The following SPO11 variants were observed in gnomAD, a reference collection of about 807,000 sequenced individuals.
The protein encoded by SPO11 is meiotic recombination protein SPO11.
SPO11 carries 49 observed loss-of-function variants against 51.6 expected under a neutral mutation model. That is an observed-to-expected ratio of 0.95 (90% CI 0.75 to 1.20). The LOEUF is 1.20. Ranked by LOEUF, SPO11 falls within the 50% of genes most tolerant of loss-of-function variation. The pLI is 0.00. For missense variants in SPO11, 431 were observed against 473.4 expected, an observed-to-expected ratio of 0.91 and a Z score of 0.83; for synonymous variants, 176 against 158.2, an observed-to-expected ratio of 1.11 and a Z score of -0.84.
chr20:57,333,170 C>A lies in SPO11; in HGVS notation c.246-18C>A. 6.3e-7 allele frequency: 1 copy of A among 1,582,446 alleles called. No individual in the cohort carries two copies. The highest frequency in any genetic ancestry group is 8.6e-7 in the Non-Finnish European group (1 of 1,167,444). ...TTGTCTTTTTCACTTTTTTCCTTTG[C>A]TTTAAACAAAATGACAGGTTTGAAG... On this transcript the variant is annotated intron_variant, in intron 2 of 12. Transcript: ENST00000371263.
rs554099175 is a variant in SPO11 at position 57,333,877 on chromosome 20, T to C, written c.402-110T>C. On this transcript the variant is annotated intron_variant, in intron 4 of 12. Transcript: ENST00000371263. The stretch of plus-strand genomic sequence containing the variant: ...ACTATAGCTCATAATTTACTTTCTT[T>C]ATATGTTGTGTTTTCATCCAGTTAA... 42 of 909,856 alleles carry C rather than the reference T, an allele frequency of 4.6e-5. No homozygotes were observed. The South Asian group carries it at 7.3e-4, about 16-fold the overall frequency. 56.4% of individuals were successfully genotyped at this position (909,856 alleles called of 1,614,324 possible).
intron 7 of SPO11, 150 bp from the exon 8 acceptor site, chr20:57,335,648 A>C (rs544691639): frequency 5.9e-6 from 4 of 679,334 alleles, no homozygotes; most frequent in Admixed American, 2.9e-5. Context: ...AGATATCTGA[A>C]TATATGAATA....
intron 5 of SPO11, among the ~76,000 whole-genome samples, 166 bp from the exon 6 acceptor site, chr20:57,334,584 C>T (rs1055165897): frequency 6.6e-6 from 1 of 152,114 alleles, no homozygotes; most frequent in African/African-American, 2.4e-5. Flanking sequence ...TGATGAATTA[C>T]CAAATATTTT....
intron 10 of SPO11, 24 bp downstream of exon 10, chr20:57,339,050 C>T: frequency 7.1e-7 from 1 of 1,399,364 alleles, no homozygotes; most frequent in Non-Finnish European, 9.7e-7. Context: ...AGCAGTTTTC[C>T]TTTTTTATTA....
At chr20:57,340,693 G>GGAGAC (rs2066571056) in intron 11 of SPO11, among the ~76,000 whole-genome samples, 1 of 152,016 alleles carries the variant, frequency 6.6e-6, no homozygotes, top group African/African-American at 2.4e-5. Context: ...CTTGAACCTG[G>GGAGAC]GAGACGGCAG....
Position 57,329,850 on chromosome 20 carries a change from T to C in SPO11, c.-18T>C, listed in dbSNP as rs1244671592. ...CTAGGACAGGGGCTTCTGGAGCTTCTGGCAGCCGTCTGCCCTCATGGCCTT... is the reference window on the plus strand; with the variant it reads ...CTAGGACAGGGGCTTCTGGAGCTTCCGGCAGCCGTCTGCCCTCATGGCCTT... On this transcript the variant is annotated 5_prime_UTR_variant, in exon 1 of 13. Coordinates refer to ENST00000371263, the MANE Select transcript of SPO11 (RefSeq NM_012444.3). The C allele has an allele frequency of 6.2e-7, 1 of 1,604,616 alleles. No individual in the cohort carries two copies. The highest frequency in any genetic ancestry group is 2.2e-5 in the East Asian group (1 of 44,694).
chr20:57,334,711 C>T (rs777816132), intron 5 of SPO11, 39 bp from the exon 6 acceptor site: 6 of 1,513,054 alleles, frequency 4.0e-6, no homozygotes, highest in African/African-American at 1.4e-5. Context: ...AAAACATATT[C>T]GTGAAGCAGG....
chr20:57,332,090 T>A, intron 2 of SPO11, 144 bp downstream of exon 2: 1 of 500,602 alleles, frequency 2.0e-6, no homozygotes, highest in Non-Finnish European at 3.5e-6. Context: ...ACGAAATACA[T>A]ACCATACAGA....
intron 11 of SPO11, among the ~76,000 whole-genome samples, chr20:57,342,358 A>G (rs1186408835): frequency 1.3e-5 from 2 of 152,244 alleles, no homozygotes; most frequent in Admixed American, 6.5e-5. Flanking sequence ...AAGAGTGTGA[A>G]GCTCTGAGAG....
chr20:57,329,920 G>A lies in SPO11; in HGVS notation c.53G>A (p.Arg18Gln), dbSNP rs773297972. Reference sequence around the variant, plus strand: ...GCCTCGTTCTTCGACGTTTTGGACCGACACAGGGAGTCCCTGCTGGCTGCC... The same window carrying A: ...GCCTCGTTCTTCGACGTTTTGGACCAACACAGGGAGTCCCTGCTGGCTGCC... ...PEASFFDVLDRHRESLLAALR... is the reference protein window; with the variant it reads ...PEASFFDVLDQHRESLLAALR... Residue 18 changes from arginine (R) to glutamine (Q), a missense_variant, in exon 1 of 13, where the codon CGA (arginine) becomes CAA (glutamine). Around this residue, in one of 3 missense-constraint regions of SPO11, gnomAD observed 405 missense variants for 425.9 expected, o/e 0.95. Coordinates refer to ENST00000371263, the MANE Select transcript of SPO11 (RefSeq NM_012444.3). 1 of 1,613,812 alleles carries A rather than the reference G, an allele frequency of 6.2e-7. No homozygotes were observed. The highest frequency in any genetic ancestry group is 1.1e-5 in the South Asian group (1 of 91,072).
chr20:57,334,036 G>A lies in SPO11; in HGVS notation c.451G>A (p.Asp151Asn), dbSNP rs143191648. The A allele has an allele frequency of 1.4e-3, 2,218 of 1,590,300 alleles. 2 individuals are homozygous for A. Among genetic ancestry groups the A allele is most frequent in the Non-Finnish European group, 1.8e-3 (2,056 of 1,166,518 alleles). ...ACTCTTTGGTAACCAGACTGTCGTC[G>A]ACAATATTATCAATGACATTTCTTG... ...SQLFGNQTVV[D>N]NIINDISCML... The change falls in exon 5 of 13, where the codon GAC (aspartate) becomes AAC (asparagine). Residue 151 changes from aspartate (D) to asparagine (N), a missense_variant. Asp to Asn is a conservative substitution (Grantham distance 23). Transcript: ENST00000371263.
At chr20:57,331,296 G>A (rs1032073002) in intron 1 of SPO11, among the ~76,000 whole-genome samples, 6 of 152,068 alleles carry the variant, frequency 3.9e-5, no homozygotes, top group African/African-American at 4.8e-5. Context: ...TTTTTGTATC[G>A]CTAAATTTCA....
intron 11 of SPO11, among the ~76,000 whole-genome samples, chr20:57,340,757 ACT>A (rs1391258254): frequency 1.3e-5 from 2 of 151,158 alleles, no homozygotes; most frequent in South Asian, 4.2e-4. Flanking sequence ...ACAGAGCTTG[ACT>A]CTGTCTCCAA....
At chr20:57,339,573 C>T (rs887723647) in intron 10 of SPO11, among the ~76,000 whole-genome samples, 6 of 152,142 alleles carry the variant, frequency 3.9e-5, no homozygotes, top group Non-Finnish European at 8.8e-5. Context: ...GGGGTGGGAT[C>T]CTCCAAGCAT....
At position 57,333,753 on chromosome 20, in the gene SPO11, G is replaced by T. The variant is rs772459798; in HGVS notation, c.401G>T (p.Arg134Met). 2.8e-6 allele frequency: 4 copies of T among 1,430,560 alleles called. No homozygotes were observed. Among genetic ancestry groups the T allele is most frequent in the Non-Finnish European group, 3.9e-6 (4 of 1,021,608 alleles). The allele number at this position is 1,430,560 out of a possible 1,614,324, so 88.6% of individuals were successfully genotyped here. Residue 134 changes from arginine to methionine, a missense_variant and splice_region_variant, in exon 4 of 13, where the codon AGG (arginine) becomes ATG (methionine). Around this residue, in one of 3 missense-constraint regions of SPO11, gnomAD observed 405 missense variants for 425.9 expected, o/e 0.95. Coordinates refer to ENST00000371263, the MANE Select transcript of SPO11 (RefSeq NM_012444.3). ...LVQSNTYATK[R>M]DIYYTDSQLF... Reference sequence around the variant, plus strand: ...CAGAGCAACACTTATGCAACCAAAAGGTAAATATATTGTTCTAGTAAATTA... The same window carrying T: ...CAGAGCAACACTTATGCAACCAAAATGTAAATATATTGTTCTAGTAAATTA...
At chr20:57,331,685 T>A in intron 1 of SPO11, 148 bp from the exon 2 acceptor site, 2 of 428,374 alleles carry the variant, frequency 4.7e-6, no homozygotes, top group Non-Finnish European at 8.3e-6. Context: ...TCTTTTTTTT[T>A]GTCTTTTTTT....
chr20:57,335,564 T>A lies in SPO11; in HGVS notation c.634+109T>A, dbSNP rs1016271074. On this transcript the variant is annotated intron_variant, in intron 7 of 12. Coordinates refer to ENST00000371263, the MANE Select transcript of SPO11 (RefSeq NM_012444.3). ...TGTGTAAGGAACAAGTTAGGCCCTG[T>A]AGCAGTCAAGATGAACACACCATGG... 2.7e-6 allele frequency: 3 copies of A among 1,122,960 alleles called. No individual in the cohort carries two copies. In the East Asian group the frequency reaches 7.5e-5, roughly 28 times the overall value. The allele number at this position is 1,122,960 out of a possible 1,614,324, so 69.6% of individuals were successfully genotyped here.
In SPO11 at chr20:57,343,946, T is replaced by G. The variant is rs536687054; in HGVS notation, c.*486T>G. On this transcript the variant is annotated 3_prime_UTR_variant, in exon 13 of 13. Transcript: ENST00000371263. Reference sequence around the variant, plus strand: ...TAGGGGTCTTACTCCATTAATTCATTTGTTACATTAGTAAAATTCAGTATG... The same window carrying G: ...TAGGGGTCTTACTCCATTAATTCATGTGTTACATTAGTAAAATTCAGTATG... The G allele has an allele frequency of 6.6e-6, 1 of 152,312 alleles. No individual in the cohort carries two copies. The highest frequency in any genetic ancestry group is 2.4e-5 in the African/African-American group (1 of 41,514). The allele number at this position is 152,312 out of a possible 1,614,324, so 9.4% of individuals were successfully genotyped here. A position where few individuals can be genotyped will look rare whatever the true frequency, so the allele number is the denominator to read the frequency against.
In SPO11 at chr20:57,333,678, A is replaced by G; in HGVS notation, c.335-9A>G. Reference sequence around the variant, plus strand: ...ATGAGTAACTTGTTTGTTGAATTTTATTTTCCAGCTCTAATCCTTAAAATA... The same window carrying G: ...ATGAGTAACTTGTTTGTTGAATTTTGTTTTCCAGCTCTAATCCTTAAAATA... On this transcript the variant is annotated splice_polypyrimidine_tract_variant and intron_variant, in intron 3 of 12. Transcript: ENST00000371263. 7.0e-7 allele frequency: 1 copy of G among 1,429,600 alleles called. No individual in the cohort carries two copies. The highest frequency in any genetic ancestry group is 2.3e-5 in the East Asian group (1 of 43,540). The allele number at this position is 1,429,600 out of a possible 1,614,324, so 88.6% of individuals were successfully genotyped here. A position where few individuals can be genotyped will look rare whatever the true frequency, so the allele number is the denominator to read the frequency against.
Sources: gnomAD v4.1 joint callset for allele counts (sites outside exome capture counted in the v4.1 genomes callset) on GRCh38, gnomAD v4.1.1 for gene constraint, gnomAD v4.1.1 regional missense constraint, MANE v1.5 for transcripts, NCBI Gene and HGNC (gene_info 2026-07-23, HGNC 2026-07-21) for gene names.